The following EEFSEC variants were observed in gnomAD, a reference collection of about 807,000 sequenced individuals.
EEFSEC encodes the protein selenocysteine-specific elongation factor.
A neutral mutation model predicts 42.1 loss-of-function variants in EEFSEC; 43 were observed. That is an observed-to-expected ratio of 1.02 (90% confidence interval 0.80 to 1.32). The LOEUF is 1.32. EEFSEC is among the 40% of genes most tolerant of loss of function. The pLI is 0.00. For missense variants in EEFSEC, 745 were observed against 803.6 expected, an observed-to-expected ratio of 0.93 and a Z score of 0.88; for synonymous variants, 354 against 339.1, an observed-to-expected ratio of 1.04 and a Z score of -0.48.
At position 128,367,581 on chromosome 3, in the gene EEFSEC, C is replaced by T. The variant is rs190017773; in HGVS notation, c.1600+9208C>T. On this transcript the variant is annotated intron_variant, in intron 6 of 6. Coordinates refer to ENST00000254730, the MANE Select transcript of EEFSEC (RefSeq NM_021937.5). ...GTAAGCAAGAGCCACATCCTGTTTC[C>T]ACAAGGCCTACCTCAGGGATGCCGT... 2.3e-4 allele frequency: 223 copies of T among 965,630 alleles called. 1 individual carries two copies. The highest frequency in any genetic ancestry group is 3.4e-4 in the East Asian group (3 of 8,718). The allele number at this position is 965,630 out of a possible 1,614,324, so 59.8% of individuals were successfully genotyped here.
intron 1 of EEFSEC, among the ~76,000 whole-genome samples, chr3:128,208,116 T>C (rs1044192921): frequency 1.3e-5 from 2 of 152,200 alleles, no homozygotes; most frequent in African/African-American, 2.4e-5. Flanking sequence ...GGATTTTGGC[T>C]CAATCCAGAT....
At chr3:128,410,112 G>C (rs1264985052), downstream of EEFSEC, among the ~76,000 whole-genome samples, 2 of 152,198 alleles carry the variant, frequency 1.3e-5, no homozygotes, top group African/African-American at 4.8e-5. Flanking sequence ...TGCCAGTGCT[G>C]TCCAGGCTGG....
chr3:128,355,447 CAG>C (rs775728584), intron 5 of EEFSEC, among the ~76,000 whole-genome samples: 13 of 152,108 alleles, frequency 8.5e-5, no homozygotes, highest in Admixed American at 1.3e-4. Context: ...GGAGGCATAA[CAG>C]AGGGGCATGA....
chr3:128,202,952 T>C (rs1295727822), intron 1 of EEFSEC, among the ~76,000 whole-genome samples: 1 of 152,238 alleles, frequency 6.6e-6, no homozygotes, highest in Admixed American at 6.5e-5. Flanking sequence ...TGGGGAATTA[T>C]ACTGATTGAT....
chr3:128,245,449 C>T (rs187987652), intron 1 of EEFSEC, among the ~76,000 whole-genome samples: 4 of 152,300 alleles, frequency 2.6e-5, no homozygotes, highest in South Asian at 2.1e-4. Context: ...GCTGCTGCTG[C>T]GTGCACCTGA....
intron 4 of EEFSEC, among the ~76,000 whole-genome samples, chr3:128,293,781 G>A (rs2066673450): frequency 6.6e-6 from 1 of 152,058 alleles, no homozygotes; most frequent in African/African-American, 2.4e-5. Context: ...TGTGACCTTG[G>A]GTGAATGACT....
chr3:128,315,133 A>G (rs1007300675), intron 4 of EEFSEC, among the ~76,000 whole-genome samples: 1 of 152,204 alleles, frequency 6.6e-6, no homozygotes, highest in East Asian at 1.9e-4. Flanking sequence ...CTTCCTTGCT[A>G]TGTGACTTGG....
chr3:128,298,133 TC>T (rs1186605480), intron 4 of EEFSEC, among the ~76,000 whole-genome samples: 3 of 152,224 alleles, frequency 2.0e-5, no homozygotes, highest in Non-Finnish European at 4.4e-5. Flanking sequence ...CTTCTCTTAC[TC>T]CCTTGTGCCA....
chr3:128,195,145 A>G (rs2065571390), intron 1 of EEFSEC, among the ~76,000 whole-genome samples: 1 of 152,048 alleles, frequency 6.6e-6, no homozygotes, highest in African/African-American at 2.4e-5. Context: ...AGTTTGAGAT[A>G]CTTCTTTTAG....
At chr3:128,264,457 T>TAA (rs2066331011) in intron 3 of EEFSEC, among the ~76,000 whole-genome samples, 160 bp from the exon 4 acceptor site, 1 of 152,114 alleles carries the variant, frequency 6.6e-6, no homozygotes, top group African/African-American at 2.4e-5. Flanking sequence ...AGTTAGGTGG[T>TAA]TTTGATCTCC....
intron 4 of EEFSEC, among the ~76,000 whole-genome samples, chr3:128,295,451 C>T (rs1391808258): frequency 3.6e-4 from 23 of 64,002 alleles, no homozygotes; most frequent in Admixed American, 7.6e-4. Context: ...CTTCCCCCTA[C>T]TTTTTTTTTT....
At chr3:128,182,885 G>C (rs1388563067) in intron 1 of EEFSEC, among the ~76,000 whole-genome samples, 5 of 150,674 alleles carry the variant, frequency 3.3e-5, no homozygotes, top group African/African-American at 1.2e-4. Flanking sequence ...GATCGGGGCG[G>C]GGGGGTGGGG....
chr3:128,201,677 T>G (rs191255568), intron 1 of EEFSEC, among the ~76,000 whole-genome samples: 33 of 152,352 alleles, frequency 2.2e-4, no homozygotes, highest in African/African-American at 7.7e-4. Flanking sequence ...ATTTGTTTTC[T>G]TAATGGTGTC....
intron 1 of EEFSEC, among the ~76,000 whole-genome samples, chr3:128,224,445 T>C (rs2065889587): frequency 6.6e-6 from 1 of 152,250 alleles, no homozygotes; most frequent in South Asian, 2.1e-4. Flanking sequence ...CCCCAGGTTC[T>C]CACTTAACAT....
intron 2 of EEFSEC, 99 bp from the exon 3 acceptor site, chr3:128,262,029 G>A: frequency 1.9e-6 from 2 of 1,054,284 alleles, no homozygotes; most frequent in Non-Finnish European, 2.9e-6. Context: ...AGAAGAGGAT[G>A]CTCACTGCAC....
chr3:128,351,736 G>T (rs2067387843), intron 5 of EEFSEC, among the ~76,000 whole-genome samples: 1 of 152,212 alleles, frequency 6.6e-6, no homozygotes, highest in African/African-American at 2.4e-5. Context: ...AGGGACAATG[G>T]GGACCCACCT....
chr3:128,339,594 C>T (rs531937462), intron 4 of EEFSEC, among the ~76,000 whole-genome samples: 1 of 152,180 alleles, frequency 6.6e-6, no homozygotes, highest in East Asian at 1.9e-4. Flanking sequence ...GAAATCTGCC[C>T]AGTATAGTAG....
downstream of EEFSEC, among the ~76,000 whole-genome samples, chr3:128,413,006 G>T (rs1476799659): frequency 2.6e-5 from 4 of 152,200 alleles, no homozygotes; most frequent in African/African-American, 7.2e-5. Context: ...ATGGTGTCCA[G>T]TTGGGGTTTC....
At chr3:128,166,578 C>T (rs2065244519) in intron 1 of EEFSEC, among the ~76,000 whole-genome samples, 1 of 152,032 alleles carries the variant, frequency 6.6e-6, no homozygotes. Context: ...TGAGCTGTCC[C>T]CTACATGTGA....
Sources: allele counts gnomAD v4.1 joint callset (sites outside exome capture counted in the v4.1 genomes callset), GRCh38; gene constraint gnomAD v4.1.1; transcripts MANE v1.5; gene names NCBI Gene and HGNC (gene_info 2026-07-23, HGNC 2026-07-21).